The following ACTG2 variants were observed in gnomAD, a reference collection of about 807,000 sequenced individuals.
ACTG2 encodes the protein actin, gamma-enteric smooth muscle.
In ACTG2, 16 loss-of-function variants were observed where a neutral mutation model predicts 37.6. The ratio of observed to expected loss-of-function variants is 0.43; its 90% CI spans 0.29 to 0.65. The LOEUF (loss-of-function observed/expected upper bound fraction) is 0.65. Among genes scored for constraint, ACTG2 ranks in the 30% least tolerant of loss-of-function variants. The pLI is 0.18. For missense variants in ACTG2, 238 were observed against 490.9 expected, an observed-to-expected ratio of 0.48 and a Z score of 4.87; for synonymous variants, 181 against 179.9, an observed-to-expected ratio of 1.01 and a Z score of -0.05.
In ACTG2 at chr2:73,902,435, C is replaced by G; in HGVS notation, c.202C>G (p.Leu68Val). 6.2e-7 allele frequency: 1 copy of G among 1,614,038 alleles called. No homozygotes were observed. Among genetic ancestry groups the G allele is most frequent in the Non-Finnish European group, 8.5e-7 (1 of 1,180,008 alleles). Residue 68 changes from leucine (L) to valine (V), a missense_variant, in exon 3 of 9, where the codon CTC becomes GTC. Leu to Val is a conservative substitution (Grantham distance 32, BLOSUM62 1). Transcript: ENST00000345517. ...EAQSKRGILT[L>V]KYPIEHGIIT... is the part of the protein sequence containing the mutation. ...TCAGAGCAAGCGAGGGATCCTAACTCTCAAATACCCCATTGAACACGGCAT... is the reference window on the plus strand; with the variant it reads ...TCAGAGCAAGCGAGGGATCCTAACTGTCAAATACCCCATTGAACACGGCAT...
chr2:73,911,353 G>A (rs780522371), intron 5 of ACTG2, among the ~76,000 whole-genome samples: 2 of 151,904 alleles, frequency 1.3e-5, no homozygotes, highest in Non-Finnish European at 2.9e-5. Context: ...AAAGTTAGCC[G>A]GGCATTGGTA....
chr2:73,918,901 CA>C lies in ACTG2; in HGVS notation c.988-528del, dbSNP rs367663273. On this transcript the variant is annotated intron_variant, in intron 8 of 8. Coordinates refer to ENST00000345517, the MANE Select transcript of ACTG2 (RefSeq NM_001615.4). Reference sequence around the variant, plus strand: ...GTATTGGTCAGCTATTGCCAAGTAACAAACAACCGTGGAATCTCAGGGGCAC... The same window carrying C: ...GTATTGGTCAGCTATTGCCAAGTAACAACAACCGTGGAATCTCAGGGGCAC... Among the ~76,000 whole-genome samples the C allele has an allele frequency of 1.5e-3, 225 of 152,286 alleles. 8 individuals carry two copies. In the East Asian group the frequency reaches 0.038, roughly 25 times the overall value.
chr2:73,908,396 G>C (rs577470321), intron 3 of ACTG2: 26 of 544,116 alleles, frequency 4.8e-5, no homozygotes, highest in South Asian at 4.0e-4. Flanking sequence ...AAAGGCAGGG[G>C]AGAGACTGTA....
intron 3 of ACTG2, among the ~76,000 whole-genome samples, chr2:73,906,465 A>AT (rs544060473): frequency 1.2e-4 from 18 of 149,742 alleles, no homozygotes; most frequent in Non-Finnish European, 2.1e-4. Flanking sequence ...TAAAAAATAA[A>AT]AAATAAATAA....
At chr2:73,908,305 T>G (rs1680055849) in intron 3 of ACTG2, 1 of 473,668 alleles carries the variant, frequency 2.1e-6, no homozygotes, top group Non-Finnish European at 4.4e-6. Context: ...TGCAGGAATC[T>G]TCTATCAGCC....
chr2:73,895,128 G>C (rs750230637), intron 1 of ACTG2, among the ~76,000 whole-genome samples: 3 of 152,088 alleles, frequency 2.0e-5, no homozygotes, highest in Non-Finnish European at 4.4e-5. Context: ...AGTCTGTGAG[G>C]GCAGCTCCGG....
At chr2:73,893,600 C>T (rs1679677501) in intron 1 of ACTG2, among the ~76,000 whole-genome samples, 1 of 152,154 alleles carries the variant, frequency 6.6e-6, no homozygotes, top group Admixed American at 6.6e-5. Context: ...TTTCTGCAGT[C>T]CTTGAAGGCT....
In ACTG2 at chr2:73,909,119, A is replaced by G. The variant is rs1680075106; in HGVS notation, c.431A>G (p.Tyr144Cys). Residue 144 changes from tyrosine to cysteine, a missense_variant, in exon 5 of 9, where the codon TAT becomes TGT. Physicochemically the swap from Tyr to Cys is radical, Grantham distance 194. Coordinates refer to ENST00000345517, the MANE Select transcript of ACTG2 (RefSeq NM_001615.4). ...GCCATTCAAGCTGTGCTCTCCCTCT[A>G]TGCCTCTGGCCGCACGACAGGTGAG... ...YVAIQAVLSL[Y>C]ASGRTTGIVL... 6.2e-7 allele frequency: 1 copy of G among 1,613,724 alleles called. No homozygotes were observed. Among genetic ancestry groups the G allele is most frequent in the Non-Finnish European group, 8.5e-7 (1 of 1,179,656 alleles).
Position 73,913,468 on chromosome 2 carries a change from A to G in ACTG2, c.452-17A>G. 3 of 1,576,640 alleles carry G rather than the reference A, an allele frequency of 1.9e-6. No homozygotes were observed. Among genetic ancestry groups the G allele is most frequent in the Non-Finnish European group, 2.6e-6 (3 of 1,154,704 alleles). On this transcript the variant is annotated splice_polypyrimidine_tract_variant and intron_variant, in intron 5 of 8. Coordinates refer to ENST00000345517, the MANE Select transcript of ACTG2 (RefSeq NM_001615.4). The stretch of plus-strand genomic sequence containing the variant: ...CAAGAATGAGAATTTTATAAGCCTG[A>G]TCCTCTCTGTCCACAGGCATCGTCC...
intron 8 of ACTG2, among the ~76,000 whole-genome samples, chr2:73,919,013 C>T (rs1214687824): frequency 6.6e-6 from 1 of 152,200 alleles, no homozygotes; most frequent in Non-Finnish European, 1.5e-5. Flanking sequence ...GTAAGTGGCT[C>T]TGAATTAACT....
chr2:73,898,553 C>T (rs987452170), intron 1 of ACTG2, among the ~76,000 whole-genome samples: 6 of 151,292 alleles, frequency 4.0e-5, no homozygotes, highest in African/African-American at 1.2e-4. Context: ...AAGATAGATT[C>T]GTAGAATAAG....
chr2:73,903,494 C>A (rs1464443223), intron 3 of ACTG2, among the ~76,000 whole-genome samples: 1 of 152,150 alleles, frequency 6.6e-6, no homozygotes, highest in Non-Finnish European at 1.5e-5. Context: ...TTAGTTTTCC[C>A]ATTTGTAAAG....
At chr2:73,907,699 C>T (rs932353624) in intron 3 of ACTG2, among the ~76,000 whole-genome samples, 6 of 152,106 alleles carry the variant, frequency 3.9e-5, no homozygotes, top group Non-Finnish European at 5.9e-5. Flanking sequence ...CCAGGCTAAG[C>T]GGTGGTTCTT....
chr2:73,899,887 C>G (rs1185283208), intron 1 of ACTG2, among the ~76,000 whole-genome samples: 1 of 152,160 alleles, frequency 6.6e-6, no homozygotes, highest in Non-Finnish European at 1.5e-5. Flanking sequence ...CAGGCCTCTC[C>G]CCTAGTATGA....
At chr2:73,901,044 C>T (rs1226671205) in intron 1 of ACTG2, among the ~76,000 whole-genome samples, 1 of 152,180 alleles carries the variant, frequency 6.6e-6, no homozygotes, top group Non-Finnish European at 1.5e-5. Context: ...ATACAGTCAC[C>T]TTCTGTGTAC....
At chr2:73,907,062 G>A (rs1680032166) in intron 3 of ACTG2, among the ~76,000 whole-genome samples, 1 of 152,212 alleles carries the variant, frequency 6.6e-6, no homozygotes. Flanking sequence ...TGCCTCGGAT[G>A]CCTTTTGCAG....
In ACTG2 at chr2:73,913,530, T is replaced by C; in HGVS notation, c.497T>C (p.Ile166Thr). ...SGDGVTHNVPIYEGYALPHAI... is the reference protein window; with the variant it reads ...SGDGVTHNVPTYEGYALPHAI... ...GATGGCGTCACCCACAATGTCCCCA[T>C]CTATGAAGGCTATGCCCTGCCCCAT... Residue 166 changes from isoleucine to threonine, a missense_variant, in exon 6 of 9, where the codon ATC (isoleucine) becomes ACC (threonine). Coordinates refer to ENST00000345517, the MANE Select transcript of ACTG2 (RefSeq NM_001615.4). 2 of 1,613,604 alleles carry C rather than the reference T, an allele frequency of 1.2e-6. No homozygotes were observed. Among genetic ancestry groups the C allele is most frequent in the Non-Finnish European group, 1.7e-6 (2 of 1,179,700 alleles).
chr2:73,914,963 C>T lies in ACTG2; in HGVS notation c.805+92C>T, dbSNP rs1680227411. On this transcript the variant is annotated intron_variant, in intron 7 of 8. Coordinates refer to ENST00000345517, the MANE Select transcript of ACTG2 (RefSeq NM_001615.4). ...AGAGAGAAACACCAGGAGTCATGGC[C>T]ACTTTGTTAATTACATACACGTACC... The T allele has an allele frequency of 1.6e-5, 18 of 1,155,600 alleles. 1 individual carries two copies. The highest frequency in any genetic ancestry group is 1.9e-5 in the Non-Finnish European group (17 of 880,242). 71.6% of individuals were successfully genotyped at this position (1,155,600 alleles called of 1,614,324 possible).
chr2:73,904,297 A>G (rs532986532), intron 3 of ACTG2, among the ~76,000 whole-genome samples: 1 of 151,652 alleles, frequency 6.6e-6, no homozygotes, highest in African/African-American at 2.4e-5. Context: ...AAGAAAACAT[A>G]ATAGACAAAT....
Sources: allele counts gnomAD v4.1 joint callset (sites outside exome capture counted in the v4.1 genomes callset), GRCh38; gene constraint gnomAD v4.1.1; transcripts MANE v1.5; gene names NCBI Gene and HGNC (gene_info 2026-07-23, HGNC 2026-07-21).